OR1L8: variants seen among roughly 807,000 people sequenced by gnomAD.
OR1L8 encodes olfactory receptor 1L8.
For synonymous variants in OR1L8, 148 were observed against 147.0 expected (o/e 1.01, Z -0.05); for missense variants, 330 against 377.4 (o/e 0.87, Z 1.04).
chr9:122,573,749 G>A (rs1454796437), intron 3 of OR1L8, among the ~76,000 whole-genome samples: 1 of 152,060 alleles, frequency 6.6e-6, no homozygotes, highest in Non-Finnish European at 1.5e-5. Context: ...TAATTTTAAT[G>A]AAGTCCAGCT....
the OR1L8 span, chr9:122,553,917 G>A: frequency 6.2e-7 from 1 of 1,613,664 alleles, no homozygotes; most frequent in African/African-American, 1.3e-5. Flanking sequence ...ATCTCCTGGA[G>A]GGAGATGGAA....
At chr9:122,553,459 A>C in the OR1L8 span, 2 of 1,613,974 alleles carry the variant, frequency 1.2e-6, no homozygotes, top group Non-Finnish European at 8.5e-7. Flanking sequence ...TCCATCCCCA[A>C]AATGCTGGCC....
chr9:122,554,644 C>T, the OR1L8 span, among the ~76,000 whole-genome samples: 24 of 152,266 alleles, frequency 1.6e-4, no homozygotes, highest in African/African-American at 5.8e-4. Flanking sequence ...CAATTTATGC[C>T]TATCGACTCC....
chr9:122,546,396 A>G, the OR1L8 span, among the ~76,000 whole-genome samples: 1 of 152,162 alleles, frequency 6.6e-6, no homozygotes, highest in Admixed American at 6.6e-5. Flanking sequence ...TTCATAGGCT[A>G]GTTTGGGAAG....
downstream of OR1L8, among the ~76,000 whole-genome samples, chr9:122,566,553 T>C (rs1040540131): frequency 6.6e-6 from 1 of 152,186 alleles, no homozygotes; most frequent in African/African-American, 2.4e-5. Context: ...TCTTTGAACA[T>C]GCTGCATATA....
chr9:122,553,144 T>A, the OR1L8 span: 1 of 1,540,856 alleles, frequency 6.5e-7, no homozygotes, highest in East Asian at 2.3e-5. Flanking sequence ...TATCTGTAAA[T>A]TGATCTAATA....
intron 3 of OR1L8, among the ~76,000 whole-genome samples, chr9:122,574,627 A>G (rs1829610609): frequency 1.3e-5 from 2 of 152,018 alleles, no homozygotes; most frequent in African/African-American, 2.4e-5. Context: ...CAATCAAATC[A>G]TCTGTGAACA....
chr9:122,565,766 AT>A (rs1242093397), downstream of OR1L8, among the ~76,000 whole-genome samples: 26 of 152,094 alleles, frequency 1.7e-4, no homozygotes, highest in Admixed American at 1.7e-3. Flanking sequence ...CAACTTTAAA[AT>A]TTTTCCTTTT....
At chr9:122,565,650 A>G (rs1829416581), downstream of OR1L8, among the ~76,000 whole-genome samples, 1 of 152,236 alleles carries the variant, frequency 6.6e-6, no homozygotes, top group Non-Finnish European at 1.5e-5. Flanking sequence ...GTCATAGAAG[A>G]AGTATGGATC....
intron 4 of OR1L8, among the ~76,000 whole-genome samples, chr9:122,571,495 A>C (rs1400914485): frequency 6.6e-6 from 1 of 150,714 alleles, no homozygotes; most frequent in Non-Finnish European, 1.5e-5. Flanking sequence ...GGTTGCAGTG[A>C]GCTGAGATTT....
chr9:122,554,673 T>C, the OR1L8 span, among the ~76,000 whole-genome samples: 1 of 152,196 alleles, frequency 6.6e-6, no homozygotes, highest in Non-Finnish European at 1.5e-5. Flanking sequence ...TTTACCACTT[T>C]GTGAGGATCA....
At chr9:122,547,396 A>C in the OR1L8 span, among the ~76,000 whole-genome samples, 2 of 152,160 alleles carry the variant, frequency 1.3e-5, no homozygotes, top group African/African-American at 2.4e-5. Context: ...TTATTTGTAT[A>C]AACTTAGAGG....
the OR1L8 span, among the ~76,000 whole-genome samples, chr9:122,559,942 C>T: frequency 6.6e-6 from 1 of 152,130 alleles, no homozygotes; most frequent in African/African-American, 2.4e-5. Flanking sequence ...TAAAGTCTCC[C>T]ACTATTATTG....
the OR1L8 span, among the ~76,000 whole-genome samples, chr9:122,551,064 A>C: frequency 2.0e-5 from 3 of 152,226 alleles, no homozygotes; most frequent in African/African-American, 7.2e-5. Context: ...GTAAAGTTTC[A>C]TGATGCAAAA....
chr9:122,553,415 C>T, the OR1L8 span: 1 of 1,614,070 alleles, frequency 6.2e-7, no homozygotes, highest in African/African-American at 1.3e-5. Flanking sequence ...TTCTGGCCAA[C>T]CTGTCATTAA....
At chr9:122,547,207 G>A in the OR1L8 span, among the ~76,000 whole-genome samples, 1 of 151,990 alleles carries the variant, frequency 6.6e-6, no homozygotes, top group African/African-American at 2.4e-5. Context: ...TTGTTTTATT[G>A]TCTTTGATAA....
intron 3 of OR1L8, among the ~76,000 whole-genome samples, chr9:122,575,218 GTGTT>G (rs1360749702): frequency 6.6e-6 from 1 of 152,044 alleles, no homozygotes; most frequent in Non-Finnish European, 1.5e-5. Context: ...GAATTAGAAA[GTGTT>G]TCCTTTGCTT....
chr9:122,578,683 T>TAAGTA (rs67503780), intron 1 of OR1L8, among the ~76,000 whole-genome samples: 14 of 151,964 alleles, frequency 9.2e-5, no homozygotes, highest in Admixed American at 8.5e-4. Context: ...ACAATTTTCC[T>TAAGTA]AAGTAAAGTA....
chr9:122,557,708 A>T, the OR1L8 span, among the ~76,000 whole-genome samples: 1 of 152,052 alleles, frequency 6.6e-6, no homozygotes, highest in African/African-American at 2.4e-5. Flanking sequence ...GTATTAGAGT[A>T]TTGCTGGCCT....
Sources: gnomAD v4.1 joint callset for allele counts (sites outside exome capture counted in the v4.1 genomes callset) on GRCh38, gnomAD v4.1.1 for gene constraint, MANE v1.5 for transcripts, NCBI Gene and HGNC (gene_info 2026-07-23, HGNC 2026-07-21) for gene names.